Variants in SAMD3 observed in about 807,000 individuals in gnomAD.
SAMD3 encodes the protein sterile alpha motif domain containing 3.
SAMD3 carries 63 observed loss-of-function variants against 58.5 expected under a neutral mutation model. That is an observed-to-expected ratio of 1.08 (90% CI 0.88 to 1.33). The LOEUF (loss-of-function observed/expected upper bound fraction) is 1.33. SAMD3 is among the 40% of genes most tolerant of loss of function. The pLI, the probability that SAMD3 is intolerant of heterozygous loss-of-function variation, is 0.00. For missense variants in SAMD3, 604 were observed against 608.4 expected (o/e 0.99, Z 0.08); for synonymous variants, 220 against 210.3 (o/e 1.05, Z -0.40).
At chr6:130,221,141 A>G (rs1382029529) in intron 1 of SAMD3, among the ~76,000 whole-genome samples, 1 of 152,238 alleles carries the variant, frequency 6.6e-6, no homozygotes, top group African/African-American at 2.4e-5. Context: ...GGCATGAGCC[A>G]CCACGCCCAG....
chr6:130,182,175 G>A (rs1792411411), intron 7 of SAMD3, among the ~76,000 whole-genome samples: 1 of 151,796 alleles, frequency 6.6e-6, no homozygotes, highest in Non-Finnish European at 1.5e-5. Context: ...AATCAGTTTT[G>A]TCAGCCATAT....
chr6:130,357,493 T>G (rs1777870527), intron 1 of SAMD3, among the ~76,000 whole-genome samples: 1 of 152,198 alleles, frequency 6.6e-6, no homozygotes, highest in African/African-American at 2.4e-5. Flanking sequence ...GCCAGGAGGC[T>G]GTACCACATT....
chr6:130,355,048 T>C (rs913875825), intron 1 of SAMD3, among the ~76,000 whole-genome samples: 9 of 152,146 alleles, frequency 5.9e-5, no homozygotes, highest in Non-Finnish European at 1.2e-4. Context: ...GATGTGTAGG[T>C]TTCCCAGATA....
At chr6:130,346,525 G>A (rs1362054126) in intron 1 of SAMD3, among the ~76,000 whole-genome samples, 1 of 152,208 alleles carries the variant, frequency 6.6e-6, no homozygotes, top group Admixed American at 6.5e-5. Context: ...GGATGGGGGA[G>A]GGGCTCCGGC....
At chr6:130,246,502 GT>G (rs1387743700) in intron 2 of SAMD3, among the ~76,000 whole-genome samples, 3 of 136,204 alleles carry the variant, frequency 2.2e-5, no homozygotes, top group Non-Finnish European at 4.5e-5. Flanking sequence ...CTTGGCACTT[GT>G]ATTGGTATTT....
intron 2 of SAMD3, among the ~76,000 whole-genome samples, chr6:130,247,236 G>A (rs574309913): frequency 9.2e-5 from 14 of 152,248 alleles, no homozygotes; most frequent in East Asian, 1.9e-4. Flanking sequence ...TTGAGAGGCC[G>A]AGGCGGGCGG....
intron 8 of SAMD3, among the ~76,000 whole-genome samples, chr6:130,169,033 G>A (rs9492469): frequency 0.14 from 20,719 of 151,944 alleles, 1,632 homozygotes; most frequent in African/African-American, 0.22. Context: ...TTCAATATAC[G>A]TGACACATGG....
At chr6:130,221,094 T>G (rs914823545) in intron 1 of SAMD3, among the ~76,000 whole-genome samples, 2 of 152,142 alleles carry the variant, frequency 1.3e-5, no homozygotes, top group African/African-American at 4.8e-5. Flanking sequence ...GACCTTGTGA[T>G]CTGCCCACCT....
chr6:130,214,412 T>C lies in SAMD3; in HGVS notation c.194A>G (p.Gln65Arg), dbSNP rs760330229. 2 of 1,613,496 alleles carry C rather than the reference T, an allele frequency of 1.2e-6. No individual in the cohort carries two copies. Among genetic ancestry groups the C allele is most frequent in the Non-Finnish European group, 1.7e-6 (2 of 1,179,690 alleles). Residue 65 changes from glutamine (Q) to arginine (R), a missense_variant, in exon 4 of 12, where the codon CAG becomes CGG. By Grantham distance (43) the Gln-to-Arg change is conservative. Transcript: ENST00000439090. ...VLMDLIKKYK[Q>R]NTQGLKSPEN... Reference sequence around the variant, plus strand: ...TGGGGACTTCAGTCCTTGAGTGTTCTGCTTGTATTTTTTAATTAAATCCAT... The same window carrying C: ...TGGGGACTTCAGTCCTTGAGTGTTCCGCTTGTATTTTTTAATTAAATCCAT...
At position 130,144,771 on chromosome 6, in the gene SAMD3, T is replaced by G. The variant is rs369863649; in HGVS notation, c.1312A>C (p.Asn438His). The G allele has an allele frequency of 1.8e-5, 29 of 1,613,928 alleles. No homozygotes were observed. The highest frequency in any genetic ancestry group is 1.3e-4 in the African/African-American group (10 of 75,006). Reference protein sequence around the residue: ...QVSTPVLEVKNPFNMEVCEFS... With the variant: ...QVSTPVLEVKHPFNMEVCEFS... ...TCGCAGACCTCCATGTTGAAAGGGTTTTTAACTTCCAACACAGGTGTGGAC... is the reference window on the plus strand; with the variant it reads ...TCGCAGACCTCCATGTTGAAAGGGTGTTTAACTTCCAACACAGGTGTGGAC... Residue 438 changes from asparagine (N) to histidine (H), a missense_variant, in exon 12 of 12, where the codon AAC (asparagine) becomes CAC (histidine). Asn to His is a moderately conservative substitution (Grantham distance 68). Coordinates refer to ENST00000439090, the MANE Select transcript of SAMD3 (RefSeq NM_001017373.4).
At position 130,219,833 on chromosome 6, in the gene SAMD3, G is replaced by A. The variant is rs561157640; in HGVS notation, c.-68+2861C>T. On this transcript the variant is annotated intron_variant, in intron 1 of 11. Transcript: ENST00000439090. ...AATTCAAGATCAGTAATTTCCTATGGCTTAAGTTATTAAAATCTTACTTTT... is the reference window on the plus strand; with the variant it reads ...AATTCAAGATCAGTAATTTCCTATGACTTAAGTTATTAAAATCTTACTTTT... Among the ~76,000 whole-genome samples, 5 of 152,158 alleles carry A rather than the reference G, an allele frequency of 3.3e-5. No individual in the cohort carries two copies. The East Asian group carries it at 7.7e-4, about 23-fold the overall frequency.
intron 3 of SAMD3, 94 bp from the exon 4 acceptor site, chr6:130,214,620 C>A: frequency 1.3e-6 from 1 of 795,452 alleles, no homozygotes; most frequent in Non-Finnish European, 1.9e-6. Flanking sequence ...ATAAAAGGAT[C>A]ATCTAAACTT....
intron 2 of SAMD3, among the ~76,000 whole-genome samples, chr6:130,271,607 A>G (rs1178723024): frequency 1.3e-5 from 2 of 151,924 alleles, no homozygotes; most frequent in Non-Finnish European, 2.9e-5. Context: ...AGTTTTTGTT[A>G]TTTGCGTTTG....
chr6:130,323,890 A>G (rs927966837), intron 1 of SAMD3, among the ~76,000 whole-genome samples: 2 of 150,412 alleles, frequency 1.3e-5, no homozygotes, highest in Non-Finnish European at 2.9e-5. Flanking sequence ...GTTCCCTTTC[A>G]TTAGTGTCTT....
At chr6:130,278,443 G>A (rs940575485) in intron 2 of SAMD3, among the ~76,000 whole-genome samples, 1 of 152,182 alleles carries the variant, frequency 6.6e-6, no homozygotes, top group African/African-American at 2.4e-5. Flanking sequence ...TAGGCAGTGG[G>A]CAAGGTGAAC....
At chr6:130,150,616 A>G (rs199846391) in intron 9 of SAMD3, among the ~76,000 whole-genome samples, 2 of 151,928 alleles carry the variant, frequency 1.3e-5, no homozygotes, top group East Asian at 3.9e-4. Flanking sequence ...TCCTGGCTCA[A>G]ACTTAGGCAT....
intron 1 of SAMD3, among the ~76,000 whole-genome samples, chr6:130,317,194 G>T (rs7759052): frequency 0.38 from 58,486 of 151,988 alleles, 11,858 homozygotes; most frequent in African/African-American, 0.51. Flanking sequence ...ATAAGGGAGT[G>T]GGAGAAAGAA....
At chr6:130,237,732 T>C (rs1308709370) in intron 2 of SAMD3, among the ~76,000 whole-genome samples, 2 of 152,164 alleles carry the variant, frequency 1.3e-5, no homozygotes, top group Non-Finnish European at 2.9e-5. Context: ...TACTCGTAAG[T>C]GTCTTAACCA....
In SAMD3 at chr6:130,150,458, C is replaced by A. The variant is rs368665642; in HGVS notation, c.1024-4277G>T. 1.4e-4 allele frequency among the ~76,000 whole-genome samples: 22 copies of A among 152,240 alleles called. No homozygotes were observed. In the South Asian group the frequency reaches 4.6e-3, roughly 32 times the overall value. ...CTCTAGTGATCCACTAGTGGGGAGT[C>A]TGGATTAAATTATGTTCCTTTAAAG... is the stretch of plus-strand genomic sequence containing the variant. On this transcript the variant is annotated intron_variant, in intron 9 of 11. Transcript: ENST00000439090.
Sources: allele counts gnomAD v4.1 joint callset (sites outside exome capture counted in the v4.1 genomes callset), GRCh38; gene constraint gnomAD v4.1.1; transcripts MANE v1.5; gene names NCBI Gene and HGNC (gene_info 2026-07-23, HGNC 2026-07-21).